Variants in UVRAG observed in about 807,000 individuals in gnomAD.
UVRAG encodes the protein UV radiation resistance-associated gene protein.
Under a neutral mutation model 78.0 loss-of-function variants are expected in UVRAG, and 19 were observed. That is an observed-to-expected ratio of 0.24 (90% CI 0.17 to 0.36). UVRAG has a LOEUF of 0.36. UVRAG is among the 10% of genes least tolerant of loss of function. UVRAG has a pLI of 1.00. For missense variants in UVRAG, 740 were observed against 853.8 expected (o/e 0.87, Z 1.66); for synonymous variants, 323 against 324.6 (o/e 1.00, Z 0.05).
intron 3 of UVRAG, among the ~76,000 whole-genome samples, chr11:75,862,441 A>G (rs2134788035): frequency 6.6e-6 from 1 of 152,344 alleles, no homozygotes; most frequent in South Asian, 2.1e-4. Flanking sequence ...CTTTCTGGTA[A>G]TGAAAATATC....
intron 12 of UVRAG, among the ~76,000 whole-genome samples, chr11:76,037,396 G>A (rs183119050): frequency 1.6e-3 from 236 of 152,116 alleles, no homozygotes; most frequent in Non-Finnish European, 1.8e-3. Flanking sequence ...GGCAATATAC[G>A]TTTTGATTAG....
intron 13 of UVRAG, among the ~76,000 whole-genome samples, chr11:76,100,656 A>G (rs899541812): frequency 2.0e-5 from 3 of 152,204 alleles, no homozygotes; most frequent in African/African-American, 7.2e-5. Flanking sequence ...GTTTTGTTAT[A>G]TAGGTAAATT....
At chr11:75,981,390 G>T (rs191723137) in intron 7 of UVRAG, among the ~76,000 whole-genome samples, 7 of 152,090 alleles carry the variant, frequency 4.6e-5, no homozygotes, top group Non-Finnish European at 8.8e-5. Context: ...GGAATTACAG[G>T]TGTGAGCCAC....
chr11:76,071,666 G>T (rs879287507), intron 13 of UVRAG, among the ~76,000 whole-genome samples: 5 of 152,134 alleles, frequency 3.3e-5, no homozygotes, highest in Non-Finnish European at 7.3e-5. Context: ...CAGTTAGAAG[G>T]CTATTTCAGA....
intron 6 of UVRAG, among the ~76,000 whole-genome samples, chr11:75,924,878 C>T (rs559986142): frequency 4.9e-4 from 75 of 152,100 alleles, no homozygotes; most frequent in African/African-American, 1.7e-3. Flanking sequence ...TGAGCCCTTC[C>T]CAAAACATGT....
chr11:76,002,614 G>A (rs1949837318), intron 8 of UVRAG, among the ~76,000 whole-genome samples: 1 of 152,180 alleles, frequency 6.6e-6, no homozygotes, highest in African/African-American at 2.4e-5. Context: ...TGGGGATAGA[G>A]GGTGTCAACC....
chr11:75,877,175 C>T lies in UVRAG; in HGVS notation c.271-2704C>T, dbSNP rs534300430. 8.6e-4 allele frequency among the ~76,000 whole-genome samples: 131 copies of T among 152,116 alleles called. 1 individual carries two copies. The highest frequency in any genetic ancestry group is 1.1e-3 in the Non-Finnish European group (75 of 68,000). The stretch of plus-strand genomic sequence containing the variant: ...AGCACAGGGTTGGGGGGTAAGGTCA[C>T]AGATCAACAGGATCCCAAGACAGAA... On this transcript the variant is annotated intron_variant, in intron 3 of 14. Coordinates refer to ENST00000356136, the MANE Select transcript of UVRAG (RefSeq NM_003369.4).
At chr11:75,819,199 T>C (rs1210827089) in intron 1 of UVRAG, among the ~76,000 whole-genome samples, 1 of 152,238 alleles carries the variant, frequency 6.6e-6, no homozygotes, top group Non-Finnish European at 1.5e-5. Context: ...AACTTTTCCA[T>C]GTATGAGTAC....
At chr11:76,111,559 A>G (rs1294090445) in intron 13 of UVRAG, among the ~76,000 whole-genome samples, 1 of 152,210 alleles carries the variant, frequency 6.6e-6, no homozygotes, top group Non-Finnish European at 1.5e-5. Flanking sequence ...TGCCTTACCA[A>G]AAGGTGATTA....
Position 75,839,815 on chromosome 11 carries a change from G to GT in UVRAG, c.118-12067dup, listed in dbSNP as rs1565339659. Among the ~76,000 whole-genome samples the GT allele has an allele frequency of 2.4e-4, 28 of 116,628 alleles. 1 individual carries two copies. The East Asian group carries it at 5.8e-3, about 24-fold the overall frequency. 76.5% of individuals were successfully genotyped at this position (116,628 alleles called of 152,430 possible). A position where few individuals can be genotyped will look rare whatever the true frequency, so the allele number is the denominator to read the frequency against. On this transcript the variant is annotated intron_variant, in intron 1 of 14. Transcript: ENST00000356136. ...AAGTAGTGTATGTGTGTGTGTTTTT[G>GT]TGTGTGTGTGTATATATATATATAC...
chr11:75,873,051 C>A (rs1055431258), intron 3 of UVRAG, among the ~76,000 whole-genome samples: 1 of 152,160 alleles, frequency 6.6e-6, no homozygotes, highest in Admixed American at 6.6e-5. Context: ...AGAAAGTTAA[C>A]CACTCACAGG....
At chr11:76,022,886 G>GT (rs958554329) in intron 12 of UVRAG, among the ~76,000 whole-genome samples, 1 of 151,830 alleles carries the variant, frequency 6.6e-6, no homozygotes, top group Admixed American at 6.6e-5. Flanking sequence ...ATTTTTTGAG[G>GT]TGTACCCTTT....
intron 12 of UVRAG, among the ~76,000 whole-genome samples, chr11:76,040,317 C>CA (rs1220651201): frequency 6.6e-6 from 1 of 151,136 alleles, no homozygotes; most frequent in Non-Finnish European, 1.5e-5. Context: ...ACTAAAAATA[C>CA]AAAAAATTAG....
chr11:76,060,650 C>T (rs926032118), intron 12 of UVRAG, among the ~76,000 whole-genome samples: 8 of 152,218 alleles, frequency 5.3e-5, no homozygotes, highest in Admixed American at 4.6e-4. Context: ...GGCGGCCCCG[C>T]ACTCGGAGTG....
chr11:75,852,835 C>T (rs1946185888), intron 2 of UVRAG, among the ~76,000 whole-genome samples: 2 of 151,848 alleles, frequency 1.3e-5, no homozygotes, highest in South Asian at 4.1e-4. Context: ...CAAAAGGTGA[C>T]ATCATTTTAA....
At chr11:76,100,825 A>T (rs528129051) in intron 13 of UVRAG, among the ~76,000 whole-genome samples, 1 of 152,104 alleles carries the variant, frequency 6.6e-6, no homozygotes, top group Non-Finnish European at 1.5e-5. Flanking sequence ...TATTCTCATC[A>T]TCTAGCTCCC....
At chr11:76,078,383 G>A (rs1264622806) in intron 13 of UVRAG, among the ~76,000 whole-genome samples, 1 of 152,006 alleles carries the variant, frequency 6.6e-6, no homozygotes, top group Non-Finnish European at 1.5e-5. Flanking sequence ...GTTATCTGTG[G>A]ATAGACCCAT....
At chr11:75,901,634 A>G (rs964511721) in intron 5 of UVRAG, among the ~76,000 whole-genome samples, 4 of 152,148 alleles carry the variant, frequency 2.6e-5, no homozygotes, top group Non-Finnish European at 5.9e-5. Context: ...CTGTGTTTCC[A>G]TCACTACTGA....
intron 12 of UVRAG, among the ~76,000 whole-genome samples, chr11:76,025,049 GAAAA>G (rs2135387924): frequency 6.6e-6 from 1 of 152,278 alleles, no homozygotes; most frequent in Non-Finnish European, 1.5e-5. Context: ...TGCTGGAAGA[GAAAA>G]AGACCGATTT....
Sources: gnomAD v4.1 joint callset for allele counts (sites outside exome capture counted in the v4.1 genomes callset) on GRCh38, gnomAD v4.1.1 for gene constraint, MANE v1.5 for transcripts, NCBI Gene and HGNC (gene_info 2026-07-23, HGNC 2026-07-21) for gene names.